Variants in CUX1 observed in about 807,000 individuals in gnomAD.
The protein encoded by CUX1 is cut like homeobox 1, also known as protein CASP.
In CUX1, 31 loss-of-function variants were observed where a neutral mutation model predicts 158.8. The ratio of observed to expected loss-of-function variants is 0.20; its 90% CI spans 0.15 to 0.26. The LOEUF (loss-of-function observed/expected upper bound fraction) is 0.26. Ranked by LOEUF, CUX1 falls within the 10% of genes least tolerant of loss-of-function variation. The probability of loss-of-function intolerance (pLI) is 1.00; values close to 1 mark genes in which losing one functional copy is unlikely to be tolerated. For synonymous variants in CUX1, 879 were observed against 862.1 expected, an observed-to-expected ratio of 1.02 and a Z score of -0.34; for missense variants, 1,589 against 2,014.6, an observed-to-expected ratio of 0.79 and a Z score of 4.04.
chr7:101,878,493 T>C (rs1799388955), intron 1 of CUX1, among the ~76,000 whole-genome samples: 1 of 152,176 alleles, frequency 6.6e-6, no homozygotes, highest in Non-Finnish European at 1.5e-5. Flanking sequence ...GCCGGCCCTG[T>C]GCGCCTGAGC....
chr7:101,874,960 C>CAAA (rs1339592741), intron 1 of CUX1, among the ~76,000 whole-genome samples: 3 of 152,182 alleles, frequency 2.0e-5, no homozygotes, highest in Non-Finnish European at 4.4e-5. Flanking sequence ...GACCTCATTC[C>CAAA]ACCCCTTTAG....
rs1801233764 is a variant in CUX1 at position 102,249,354 on chromosome 7, G to A, written c.*312G>A. On this transcript the variant is annotated 3_prime_UTR_variant, in exon 24 of 24. Transcript: ENST00000292535. Reference sequence around the variant, plus strand: ...CCGCTTTGCGCACTTACCGCCCTGCGGGCCACAGGGCAAAATCGCCATAGG... The same window carrying A: ...CCGCTTTGCGCACTTACCGCCCTGCAGGCCACAGGGCAAAATCGCCATAGG... The A allele has an allele frequency of 1.0e-6, 1 of 1,004,744 alleles. No individual in the cohort carries two copies. The highest frequency in any genetic ancestry group is 1.7e-5 in the African/African-American group (1 of 57,750). The allele number at this position is 1,004,744 out of a possible 1,614,324, so 62.2% of individuals were successfully genotyped here. A position where few individuals can be genotyped will look rare whatever the true frequency, so the allele number is the denominator to read the frequency against.
chr7:102,161,278 G>A (rs538622724), intron 9 of CUX1: 214 of 152,286 alleles, frequency 1.4e-3, no homozygotes, highest in Non-Finnish European at 2.5e-3. Flanking sequence ...AGTCCAGGAG[G>A]TAGAGGTTGC....
At position 102,248,797 on chromosome 7, in the gene CUX1, G is replaced by T; in HGVS notation, c.4273G>T (p.Ala1425Ser). The T allele has an allele frequency of 9.3e-7, 1 of 1,080,072 alleles. No individual in the cohort carries two copies. Among genetic ancestry groups the T allele is most frequent in the East Asian group, 5.4e-5 (1 of 18,386 alleles). 66.9% of individuals were successfully genotyped at this position (1,080,072 alleles called of 1,614,324 possible). A position where few individuals can be genotyped will look rare whatever the true frequency, so the allele number is the denominator to read the frequency against. Residue 1425 changes from alanine (A) to serine (S), a missense_variant, in exon 24 of 24, where the codon GCC becomes TCC. Physicochemically the swap from Ala to Ser is moderately conservative, Grantham distance 99 (BLOSUM62 1). Around this residue, in one of 8 missense-constraint regions of CUX1, gnomAD observed 344 missense variants for 323.7 expected, o/e 1.06. Transcript: ENST00000292535. The surrounding 1 kb of genome is among the most constrained non-coding windows in gnomAD (Gnocchi z 5.8). Reference sequence around the variant, plus strand: ...CCCCGAGGACGCCGCTACCTCAGCCGCCGCCGCGCCGGGGGAGGGCCCCGC... The same window carrying T: ...CCCCGAGGACGCCGCTACCTCAGCCTCCGCCGCGCCGGGGGAGGGCCCCGC... ...AAPEDAATSA[A>S]AAPGEGPAAP...
intron 2 of CUX1, among the ~76,000 whole-genome samples, chr7:102,017,027 G>T (rs905726324): frequency 6.6e-6 from 1 of 152,134 alleles, no homozygotes; most frequent in Non-Finnish European, 1.5e-5. Context: ...GCTTGGGCTG[G>T]GTGTGGTGGC....
rs560051133 is a variant in CUX1 at position 101,936,772 on chromosome 7, G to A, written c.141+20547G>A. Reference sequence around the variant, plus strand: ...GGGTTTTGCTTTCTGCCCTGGCCACGTGGGACCGGCTAGGTGGAGATCATG... The same window carrying A: ...GGGTTTTGCTTTCTGCCCTGGCCACATGGGACCGGCTAGGTGGAGATCATG... On this transcript the variant is annotated intron_variant, in intron 2 of 23. Transcript: ENST00000292535. Among the ~76,000 whole-genome samples the A allele has an allele frequency of 9.8e-5, 15 of 152,306 alleles. No individual in the cohort carries two copies. The East Asian group carries it at 1.2e-3, about 12-fold the overall frequency.
chr7:102,051,847 G>A (rs1355563751), intron 3 of CUX1, among the ~76,000 whole-genome samples: 2 of 152,078 alleles, frequency 1.3e-5, no homozygotes, highest in Non-Finnish European at 2.9e-5. Context: ...ACAATTAAAT[G>A]ACTTTTAGTG....
intron 8 of CUX1, among the ~76,000 whole-genome samples, chr7:102,124,985 T>C (rs1832460743): frequency 6.6e-6 from 1 of 152,150 alleles, no homozygotes; most frequent in Admixed American, 6.6e-5. Flanking sequence ...TTTCGCCATG[T>C]TGGCCAGGCT....
At chr7:102,027,698 A>G (rs1020261587) in intron 2 of CUX1, among the ~76,000 whole-genome samples, 1 of 152,056 alleles carries the variant, frequency 6.6e-6, no homozygotes, top group Non-Finnish European at 1.5e-5. Context: ...CTGTCTCTAC[A>G]AAAAAATACA....
In CUX1 at chr7:102,249,710, AAAG is replaced by A. The variant is rs1801282185; in HGVS notation, c.*671_*673del. 1 of 985,686 alleles carries A rather than the reference AAAG, an allele frequency of 1.0e-6. No individual in the cohort carries two copies. Among genetic ancestry groups the A allele is most frequent in the Non-Finnish European group, 1.2e-6 (1 of 829,814 alleles). 61.1% of individuals were successfully genotyped at this position (985,686 alleles called of 1,614,324 possible). A position where few individuals can be genotyped will look rare whatever the true frequency, so the allele number is the denominator to read the frequency against. ...GGTGGGATTTTTCAGAAAAATTAAA[AAAG>A]AAAGTTTTTGTAGCTGTTCAGTTGC... On this transcript the variant is annotated 3_prime_UTR_variant, in exon 24 of 24. Transcript: ENST00000292535.
intron 2 of CUX1, among the ~76,000 whole-genome samples, chr7:101,967,722 G>T (rs963742996): frequency 6.6e-6 from 1 of 152,138 alleles, no homozygotes; most frequent in African/African-American, 2.4e-5. Context: ...ATATGTAAAA[G>T]GTCCCCAGAA....
chr7:102,058,678 G>A (rs963032632), intron 3 of CUX1, among the ~76,000 whole-genome samples: 1 of 152,180 alleles, frequency 6.6e-6, no homozygotes, highest in Admixed American at 6.5e-5. Context: ...CTTGCTGAAT[G>A]TGTATGTTTT....
intron 2 of CUX1, among the ~76,000 whole-genome samples, chr7:101,943,078 C>CTTTTTTTTTTTTTTTTTTTTTTTTTTTT (rs58332486): frequency 1.2e-5 from 1 of 80,332 alleles, no homozygotes; most frequent in African/African-American, 5.1e-5. Context: ...CTGGTCAGTG[C>CTTTTTTTTTTTTTTTTTTTTTTTTTTTT]TTTTTTTTTT....
At chr7:102,212,599 C>G (rs1032866891) in intron 20 of CUX1, among the ~76,000 whole-genome samples, 1 of 152,190 alleles carries the variant, frequency 6.6e-6, no homozygotes, top group Admixed American at 6.5e-5. Flanking sequence ...TTCAAACTTA[C>G]AGTCTTTTTA....
Position 101,817,743 on chromosome 7 carries a change from G to C in CUX1, c.30+74G>C. The C allele has an allele frequency of 6.5e-7, 1 of 1,527,930 alleles. No individual in the cohort carries two copies. The allele number at this position is 1,527,930 out of a possible 1,614,324, so 94.6% of individuals were successfully genotyped here. On this transcript the variant is annotated intron_variant, in intron 1 of 23. Transcript: ENST00000292535. The surrounding 1 kb of genome is among the most constrained non-coding windows in gnomAD (Gnocchi z 4.1). ...ACCGGGGATGTCGGGGGGTGCCCGG[G>C]TCCCGCGGCTTAGAATGCTCTAGGG...
chr7:101,880,041 T>C (rs570953082), intron 1 of CUX1, among the ~76,000 whole-genome samples: 81 of 151,570 alleles, frequency 5.3e-4, no homozygotes, highest in Middle Eastern at 6.8e-3. Context: ...ATATACCTTG[T>C]CTAGAATTGT....
chr7:101,980,850 G>A (rs1213140092), intron 2 of CUX1, among the ~76,000 whole-genome samples: 1 of 152,026 alleles, frequency 6.6e-6, no homozygotes, highest in Non-Finnish European at 1.5e-5. Context: ...ACTTTCTCCC[G>A]AACACAGCAC....
At chr7:102,018,816 G>GAACACACA (rs1359763918) in intron 2 of CUX1, among the ~76,000 whole-genome samples, 4 of 152,284 alleles carry the variant, frequency 2.6e-5, no homozygotes, top group African/African-American at 9.6e-5. Flanking sequence ...CAAAGCACAG[G>GAACACACA]AACACACAAA....
intron 1 of CUX1, among the ~76,000 whole-genome samples, chr7:101,895,915 T>TTG (rs1801453919): frequency 1.1e-5 from 1 of 90,502 alleles, no homozygotes; most frequent in African/African-American, 4.5e-5. Flanking sequence ...TTTGTTTTTT[T>TTG]TTTTTTTTTT....
Sources: allele counts gnomAD v4.1 joint callset (sites outside exome capture counted in the v4.1 genomes callset), GRCh38; gene constraint gnomAD v4.1.1; regional missense constraint gnomAD v4.1.1; non-coding constraint Gnocchi (gnomAD v3.1); transcripts MANE v1.5; gene names NCBI Gene and HGNC (gene_info 2026-07-23, HGNC 2026-07-21).